The following PDE7B variants were observed in gnomAD, a reference collection of about 807,000 sequenced individuals.
PDE7B encodes the protein 3',5'-cyclic-AMP phosphodiesterase 7B.
PDE7B carries 29 observed loss-of-function variants against 56.2 expected under a neutral mutation model. The ratio of observed to expected loss-of-function variants is 0.52; its 90% CI spans 0.38 to 0.70. The LOEUF is 0.70. Ranked by LOEUF, PDE7B falls within the 30% of genes least tolerant of loss-of-function variation. PDE7B has a pLI of 0.00. For missense variants in PDE7B, 490 were observed against 565.0 expected (o/e 0.87, Z 1.35); for synonymous variants, 197 against 196.9 (o/e 1.00, Z 0.00).
At chr6:135,948,472 G>T (rs1774628223) in intron 2 of PDE7B, among the ~76,000 whole-genome samples, 1 of 151,912 alleles carries the variant, frequency 6.6e-6, no homozygotes, top group East Asian at 1.9e-4. Flanking sequence ...TTGGTGAAAA[G>T]CAGACAGCAA....
chr6:136,005,228 T>A (rs1297296252), intron 2 of PDE7B, among the ~76,000 whole-genome samples: 2 of 152,252 alleles, frequency 1.3e-5, no homozygotes, highest in Non-Finnish European at 2.9e-5. Flanking sequence ...GACTTAAATG[T>A]TAGACCTAAA....
chr6:135,986,684 CG>C (rs1188955191), intron 2 of PDE7B, among the ~76,000 whole-genome samples: 5 of 152,160 alleles, frequency 3.3e-5, no homozygotes, highest in Non-Finnish European at 7.4e-5. Context: ...ATTCTTCATA[CG>C]TTTTCTGAAT....
chr6:136,064,622 C>A (rs559044045), intron 2 of PDE7B: 4 of 152,246 alleles, frequency 2.6e-5, no homozygotes, highest in Non-Finnish European at 5.9e-5. Flanking sequence ...ATCTTCGGAA[C>A]CTTCACCAAG....
intron 8 of PDE7B, among the ~76,000 whole-genome samples, chr6:136,170,185 A>G (rs551684508): frequency 6.6e-6 from 1 of 152,172 alleles, no homozygotes. Context: ...GCTCAGATAC[A>G]GTAGGGGCAT....
chr6:135,910,182 G>A (rs1283855926), intron 1 of PDE7B, among the ~76,000 whole-genome samples: 2 of 152,166 alleles, frequency 1.3e-5, no homozygotes, highest in Non-Finnish European at 2.9e-5. Context: ...TCACCAGGGA[G>A]GGTGTGAAAC....
intron 12 of PDE7B, among the ~76,000 whole-genome samples, chr6:136,190,191 A>G (rs1490537466): frequency 6.6e-6 from 1 of 152,198 alleles, no homozygotes; most frequent in Non-Finnish European, 1.5e-5. Context: ...AGAAAATTCA[A>G]GAACAGCAAG....
In PDE7B at chr6:135,959,434, A is replaced by G. The variant is rs193051304; in HGVS notation, c.82+11910A>G. Among the ~76,000 whole-genome samples, 235 of 152,328 alleles carry G rather than the reference A, an allele frequency of 1.5e-3. 1 individual carries two copies. Among genetic ancestry groups the G allele is most frequent in the African/African-American group, 5.5e-3 (228 of 41,578 alleles). On this transcript the variant is annotated intron_variant, in intron 2 of 12. Coordinates refer to ENST00000308191, the MANE Select transcript of PDE7B (RefSeq NM_018945.4). ...TCTTTTAGAAAATCAAGTATTTAAAAAAGAAATTGAACATCTTGGAAGTAT... is the reference window on the plus strand; with the variant it reads ...TCTTTTAGAAAATCAAGTATTTAAAGAAGAAATTGAACATCTTGGAAGTAT...
intron 3 of PDE7B, among the ~76,000 whole-genome samples, chr6:136,137,191 G>A (rs918474262): frequency 1.3e-5 from 2 of 151,918 alleles, no homozygotes; most frequent in African/African-American, 4.8e-5. Flanking sequence ...AGGAGTTTGA[G>A]GTTGTAGTAC....
At chr6:135,888,405 A>T (rs957121933) in intron 1 of PDE7B, among the ~76,000 whole-genome samples, 1 of 152,188 alleles carries the variant, frequency 6.6e-6, no homozygotes, top group Non-Finnish European at 1.5e-5. Flanking sequence ...GGGACCTCAG[A>T]TAAAGTAACT....
intron 2 of PDE7B, among the ~76,000 whole-genome samples, chr6:136,059,177 A>T (rs1776793457): frequency 6.6e-6 from 1 of 152,156 alleles, no homozygotes; most frequent in South Asian, 2.1e-4. Flanking sequence ...TTTTGTAAAA[A>T]ATCAGACCTT....
rs771801089 is a variant in PDE7B at position 136,173,816 on chromosome 6, A to C, written c.731A>C (p.Asn244Thr). 6.2e-7 allele frequency: 1 copy of C among 1,609,754 alleles called. No individual in the cohort carries two copies. Among genetic ancestry groups the C allele is most frequent in the Non-Finnish European group, 8.5e-7 (1 of 1,176,270 alleles). ...NLYQNMSVLENHHWRSTIGML... is the reference protein window; with the variant it reads ...NLYQNMSVLETHHWRSTIGML... ...TTCTAGAATATGTCTGTGCTGGAGA[A>C]TCATCACTGGCGATCTACAATTGGC... The change falls in exon 9 of 13, where the codon AAT becomes ACT. Residue 244 changes from asparagine to threonine, a missense_variant. Transcript: ENST00000308191.
chr6:135,892,842 G>A (rs894871109), intron 1 of PDE7B, among the ~76,000 whole-genome samples: 2 of 152,118 alleles, frequency 1.3e-5, no homozygotes, highest in Non-Finnish European at 1.5e-5. Context: ...TATTTACAGT[G>A]TATTTGCAAT....
intron 1 of PDE7B, among the ~76,000 whole-genome samples, chr6:135,934,614 C>A (rs1475226312): frequency 1.3e-5 from 2 of 148,588 alleles, no homozygotes; most frequent in African/African-American, 2.5e-5. Flanking sequence ...CCTGTAATAC[C>A]AGCTACTTGG....
chr6:136,008,878 C>T (rs1420513354), intron 2 of PDE7B, among the ~76,000 whole-genome samples: 1 of 152,098 alleles, frequency 6.6e-6, no homozygotes, highest in African/African-American at 2.4e-5. Context: ...GTTGCCATTG[C>T]TTTTGGTGTT....
intron 2 of PDE7B, among the ~76,000 whole-genome samples, chr6:136,061,839 GGCTCTT>G (rs1776849571): frequency 6.6e-6 from 1 of 152,142 alleles, no homozygotes; most frequent in Non-Finnish European, 1.5e-5. Flanking sequence ...ATCTTGATCT[GGCTCTT>G]GCTACATATG....
intron 8 of PDE7B, among the ~76,000 whole-genome samples, chr6:136,164,757 A>G (rs985937393): frequency 2.6e-5 from 4 of 152,156 alleles, no homozygotes; most frequent in African/African-American, 9.7e-5. Context: ...ATTATATTAC[A>G]TTAAAATAAA....
chr6:135,941,985 TA>T (rs1296954537), intron 1 of PDE7B, among the ~76,000 whole-genome samples: 1 of 152,156 alleles, frequency 6.6e-6, no homozygotes, highest in Non-Finnish European at 1.5e-5. Flanking sequence ...GAAAAAACAT[TA>T]ACTGGTTTAA....
chr6:136,130,827 C>T (rs1387557199), intron 3 of PDE7B, among the ~76,000 whole-genome samples: 1 of 152,152 alleles, frequency 6.6e-6, no homozygotes, highest in African/African-American at 2.4e-5. Context: ...AGATGAAAGG[C>T]ATGTCTTACA....
At chr6:136,147,322 A>G (rs745767236) in intron 3 of PDE7B, 29 bp from the exon 4 acceptor site, 4 of 1,545,848 alleles carry the variant, frequency 2.6e-6, no homozygotes, top group Non-Finnish European at 2.7e-6. Flanking sequence ...TTAAATATAT[A>G]AATTTCTTGA....
Sources: gnomAD v4.1 joint callset for allele counts (sites outside exome capture counted in the v4.1 genomes callset) on GRCh38, gnomAD v4.1.1 for gene constraint, MANE v1.5 for transcripts, NCBI Gene and HGNC (gene_info 2026-07-23, HGNC 2026-07-21) for gene names.